The following RAB37 variants were observed in gnomAD, a reference collection of about 807,000 sequenced individuals.
The protein encoded by RAB37 is ras-related protein Rab-37.
RAB37 carries 29 observed loss-of-function variants against 33.1 expected under a neutral mutation model. That is an observed-to-expected ratio of 0.88 (90% confidence interval 0.65 to 1.20). The LOEUF (loss-of-function observed/expected upper bound fraction) is 1.20, where lower values mean the gene tolerates loss of function less well. Among genes scored for constraint, RAB37 ranks in the 50% most tolerant of loss-of-function variants. The pLI, the probability that RAB37 is intolerant of heterozygous loss-of-function variation, is 0.00. For synonymous variants in RAB37, 128 were observed against 119.5 expected, an observed-to-expected ratio of 1.07 and a Z score of -0.47; for missense variants, 299 against 301.1, an observed-to-expected ratio of 0.99 and a Z score of 0.05.
intron 1 of RAB37, chr17:74,694,538 A>G (rs1488173507): frequency 6.6e-6 from 1 of 151,858 alleles, no homozygotes; most frequent in Non-Finnish European, 1.5e-5. Flanking sequence ...CTTTGTCTCT[A>G]CCTCTTTGAC....
In RAB37 at chr17:74,739,420, G is replaced by A. The variant is rs187693746; in HGVS notation, c.94-1348G>A. Among the ~76,000 whole-genome samples, 42 of 151,908 alleles carry A rather than the reference G, an allele frequency of 2.8e-4. No homozygotes were observed. In the East Asian group the frequency reaches 3.7e-3, roughly 13 times the overall value. On this transcript the variant is annotated intron_variant, in intron 1 of 8. Coordinates refer to ENST00000392613, the MANE Select transcript of RAB37 (RefSeq NM_001006638.3). The stretch of plus-strand genomic sequence containing the variant: ...CTACCCACAGCAACCCCGGGATGCC[G>A]ATCTGCAGCCACATGTCCCATGTGG...
intron 5 of RAB37, among the ~76,000 whole-genome samples, chr17:74,743,972 A>G (rs1567816609): frequency 6.6e-6 from 1 of 152,344 alleles, no homozygotes; most frequent in East Asian, 1.9e-4. Context: ...ACTTTTGATC[A>G]CTGAAACCCT....
At chr17:74,693,403 G>A (rs1209732845) in intron 1 of RAB37, among the ~76,000 whole-genome samples, 1 of 152,212 alleles carries the variant, frequency 6.6e-6, no homozygotes, top group African/African-American at 2.4e-5. Context: ...GGCTGGGAGA[G>A]AAACCATCAG....
At chr17:74,718,061 C>T (rs113982701) in intron 1 of RAB37, among the ~76,000 whole-genome samples, 3 of 152,106 alleles carry the variant, frequency 2.0e-5, no homozygotes, top group African/African-American at 7.2e-5. Context: ...TTTGGGAGGC[C>T]AAGGCAGGCA....
chr17:74,737,362 C>T lies in RAB37; in HGVS notation c.90C>T (p.Gly30=), dbSNP rs1273531367. ...PPCSPSYDLT[G]KVMLLGDTGV... Reference sequence around the variant, plus strand: ...GCAGTCCGAGCTACGACCTCACGGGCAAGGTGGGTGGGCCTCTTCCGTGAG... The same window carrying T: ...GCAGTCCGAGCTACGACCTCACGGGTAAGGTGGGTGGGCCTCTTCCGTGAG... The change falls in exon 1 of 9, where the codon GGC becomes GGT. Residue 30 remains glycine, a synonymous_variant. Transcript: ENST00000392613. 2.6e-6 allele frequency: 4 copies of T among 1,568,276 alleles called. No individual in the cohort carries two copies. The highest frequency in any genetic ancestry group is 3.4e-6 in the Non-Finnish European group (4 of 1,164,250).
intron 1 of RAB37, chr17:74,698,659 A>G (rs748381580): frequency 1.4e-6 from 2 of 1,426,168 alleles, no homozygotes; most frequent in Non-Finnish European, 1.8e-6. Flanking sequence ...ATGAGTACAC[A>G]TAGACACAAA....
intron 1 of RAB37, among the ~76,000 whole-genome samples, chr17:74,739,931 C>T (rs988629947): frequency 3.3e-5 from 5 of 151,470 alleles, no homozygotes; most frequent in Non-Finnish European, 5.9e-5. Flanking sequence ...CTGAGGCGGG[C>T]GGATCACCTG....
intron 1 of RAB37, 98 bp from the exon 2 acceptor site, chr17:74,740,670 C>T: frequency 2.3e-6 from 2 of 872,950 alleles, no homozygotes; most frequent in Non-Finnish European, 3.8e-6. Flanking sequence ...GCATTCGTGC[C>T]AGCCCCCTCT....
intron 1 of RAB37, among the ~76,000 whole-genome samples, chr17:74,723,236 A>T (rs916279259): frequency 1.3e-5 from 2 of 152,130 alleles, no homozygotes; most frequent in South Asian, 4.1e-4. Flanking sequence ...AGTACCATAC[A>T]CCCCACCTGG....
Position 74,683,369 on chromosome 17 carries a change from C to T in RAB37, c.72+11711C>T, listed in dbSNP as rs147409030. ...AGACAGGAATGAGGGGAAGCTCTTC[C>T]GCCTCTCTTAAGGACCATGGTTAGC... On this transcript the variant is annotated intron_variant, in intron 1 of 7. Coordinates refer to the RAB37 transcript ENST00000340415. Among the ~76,000 whole-genome samples, 50 of 152,280 alleles carry T rather than the reference C, an allele frequency of 3.3e-4. No individual in the cohort carries two copies. In the East Asian group the frequency reaches 3.9e-3, roughly 12 times the overall value.
intron 1 of RAB37, among the ~76,000 whole-genome samples, chr17:74,720,151 G>A (rs895627145): frequency 6.6e-6 from 1 of 152,216 alleles, no homozygotes; most frequent in South Asian, 2.1e-4. Context: ...TTAGGCACCA[G>A]CAGGGACGAA....
chr17:74,735,172 AAGGG>A (rs1208615921), upstream of RAB37, among the ~76,000 whole-genome samples: 10 of 137,034 alleles, frequency 7.3e-5, no homozygotes, highest in African/African-American at 1.6e-4. Flanking sequence ...AGAAGGAAGG[AAGGG>A]AGGGAGGGAG....
At chr17:74,704,305 G>A (rs1379252842) in intron 1 of RAB37, 1 of 604,468 alleles carries the variant, frequency 1.7e-6, no homozygotes, top group African/African-American at 1.9e-5. Context: ...GAGCCATGGG[G>A]GCATTGAAGA....
intron 1 of RAB37, chr17:74,702,983 C>G: frequency 7.0e-7 from 1 of 1,419,010 alleles, no homozygotes; most frequent in South Asian, 1.1e-5. Context: ...AAGAGTTCTC[C>G]ATTGGAGGAG....
upstream of RAB37, chr17:74,737,171 G>A (rs1360459618): frequency 3.2e-6 from 5 of 1,547,934 alleles, no homozygotes; most frequent in Non-Finnish European, 4.3e-6. Flanking sequence ...AGCCTGAGGG[G>A]TCCCGGTCGA....
At chr17:74,678,161 G>C (rs2031880949) in intron 1 of RAB37, among the ~76,000 whole-genome samples, 1 of 152,156 alleles carries the variant, frequency 6.6e-6, no homozygotes, top group Non-Finnish European at 1.5e-5. Flanking sequence ...GAGACTGCGA[G>C]TGCGAATGGA....
At chr17:74,740,969 C>G in intron 2 of RAB37, 91 bp downstream of exon 2, 4 of 912,194 alleles carry the variant, frequency 4.4e-6, no homozygotes, top group Non-Finnish European at 7.2e-6. Flanking sequence ...CACCCTGGCT[C>G]CCAGGGACTC....
intron 1 of RAB37, chr17:74,712,872 C>T (rs747404024): frequency 6.2e-7 from 1 of 1,614,002 alleles, no homozygotes; most frequent in Non-Finnish European, 8.5e-7. Flanking sequence ...GGCATCTTCT[C>T]TTCAGACAGG....
upstream of RAB37, among the ~76,000 whole-genome samples, chr17:74,733,469 T>G (rs2034419234): frequency 6.9e-5 from 2 of 28,978 alleles, no homozygotes; most frequent in East Asian, 1.2e-3. Context: ...ATTTGAGGGA[T>G]GTGTGTGGTG....
Sources: gnomAD v4.1 joint callset for allele counts (sites outside exome capture counted in the v4.1 genomes callset) on GRCh38, gnomAD v4.1.1 for gene constraint, MANE v1.5 for transcripts, NCBI Gene and HGNC (gene_info 2026-07-23, HGNC 2026-07-21) for gene names.